FBXO42: variants seen among roughly 807,000 people sequenced by gnomAD.
FBXO42 encodes the protein F-box protein 42.
FBXO42 carries 12 observed loss-of-function variants against 71.7 expected under a neutral mutation model. That is an observed-to-expected ratio of 0.17 (90% CI 0.11 to 0.27). The LOEUF (loss-of-function observed/expected upper bound fraction) is 0.27. Among genes scored for constraint, FBXO42 ranks in the 10% least tolerant of loss-of-function variants. The pLI, the probability that FBXO42 is intolerant of heterozygous loss-of-function variation, is 1.00. For synonymous variants in FBXO42, 325 were observed against 327.5 expected, an observed-to-expected ratio of 0.99 and a Z score of 0.08; for missense variants, 707 against 911.9, an observed-to-expected ratio of 0.78 and a Z score of 2.89.
intron 1 of FBXO42, among the ~76,000 whole-genome samples, chr1:16,345,741 G>A (rs926042691): frequency 1.3e-5 from 2 of 151,858 alleles, no homozygotes; most frequent in South Asian, 2.1e-4. Flanking sequence ...CCAGCTACTC[G>A]GGAGGCTGAG....
intron 1 of FBXO42, among the ~76,000 whole-genome samples, chr1:16,336,236 CCTAAT>C (rs1237345968): frequency 6.6e-6 from 1 of 151,974 alleles, no homozygotes; most frequent in Non-Finnish European, 1.5e-5. Flanking sequence ...CCGCGTCTGG[CCTAAT>C]CTTACTTTTT....
At chr1:16,324,528 T>C (rs2082434778) in intron 1 of FBXO42, among the ~76,000 whole-genome samples, 1 of 152,126 alleles carries the variant, frequency 6.6e-6, no homozygotes, top group Non-Finnish European at 1.5e-5. Context: ...CTCTAAAGAC[T>C]AGGTAGAAGC....
intron 1 of FBXO42, among the ~76,000 whole-genome samples, chr1:16,329,880 C>T (rs532207829): frequency 1.3e-5 from 2 of 151,532 alleles, no homozygotes; most frequent in African/African-American, 4.8e-5. Context: ...ACCAAGGAGG[C>T]AGAGGTTGGA....
chr1:16,311,145 T>C (rs1465538795), intron 2 of FBXO42, among the ~76,000 whole-genome samples: 3 of 139,046 alleles, frequency 2.2e-5, no homozygotes, highest in Non-Finnish European at 4.6e-5. Flanking sequence ...GCCCCTGCAC[T>C]CCAGCCTGGG....
chr1:16,283,495 T>TTTTTTTTTTTG (rs2081987668), intron 4 of FBXO42, among the ~76,000 whole-genome samples: 3 of 68,736 alleles, frequency 4.4e-5, no homozygotes, highest in South Asian at 3.8e-4. Context: ...CTGTGGCAAG[T>TTTTTTTTTTTG]TTTTTTTTTT....
chr1:16,275,817 T>C (rs1012428061), intron 4 of FBXO42, among the ~76,000 whole-genome samples: 7 of 151,956 alleles, frequency 4.6e-5, no homozygotes, highest in African/African-American at 1.7e-4. Flanking sequence ...GAGACCAGCC[T>C]GGCCAACATG....
chr1:16,283,502 T>TTTG (rs1553151413), intron 4 of FBXO42, among the ~76,000 whole-genome samples: 3 of 137,204 alleles, frequency 2.2e-5, no homozygotes, highest in African/African-American at 5.5e-5. Context: ...AAGTTTTTTT[T>TTTG]TTTTTTTTTT....
At chr1:16,329,270 T>G (rs1036003652) in intron 1 of FBXO42, among the ~76,000 whole-genome samples, 1 of 146,562 alleles carries the variant, frequency 6.8e-6, no homozygotes, top group African/African-American at 2.5e-5. Flanking sequence ...GGCCATAAAA[T>G]AAATTGGTAT....
Position 16,253,082 on chromosome 1 carries a change from G to T in FBXO42, c.921+14C>A. The T allele has an allele frequency of 1.9e-6, 3 of 1,612,244 alleles. No individual in the cohort carries two copies. Among genetic ancestry groups the T allele is most frequent in the Non-Finnish European group, 2.5e-6 (3 of 1,179,106 alleles). On this transcript the variant is annotated intron_variant, in intron 8 of 9. Transcript: ENST00000375592. ...GTAGCATGCACATGGGAATGCCACA[G>T]AAGCAATACTCACAGCATTGGGACC...
intron 4 of FBXO42, among the ~76,000 whole-genome samples, chr1:16,263,233 C>T (rs1281008153): frequency 3.3e-5 from 5 of 151,120 alleles, no homozygotes; most frequent in Non-Finnish European, 5.9e-5. Flanking sequence ...GAGGCTGAGG[C>T]GGGCGGATCA....
rs1230570849 is a variant in FBXO42, at chr1:16,341,012, G to A, written c.-18+11243C>T. ...ACTAATGTCCATCAAAAACAGACCAGTTGAACAAACTCTGGTGCATCCTCA... is the reference window on the plus strand; with the variant it reads ...ACTAATGTCCATCAAAAACAGACCAATTGAACAAACTCTGGTGCATCCTCA... On this transcript the variant is annotated intron_variant, in intron 1 of 9. Coordinates refer to ENST00000375592, the MANE Select transcript of FBXO42 (RefSeq NM_018994.3). Among the ~76,000 whole-genome samples, 4 of 152,024 alleles carry A rather than the reference G, an allele frequency of 2.6e-5. No individual in the cohort carries two copies. The East Asian group carries it at 5.8e-4, about 22-fold the overall frequency.
intron 4 of FBXO42, among the ~76,000 whole-genome samples, chr1:16,257,977 C>T (rs61769798): frequency 2.6e-5 from 4 of 151,960 alleles, no homozygotes; most frequent in Non-Finnish European, 5.9e-5. Context: ...CACCATGCCT[C>T]GCTGAGAATA....
chr1:16,297,588 G>A (rs896223311), intron 3 of FBXO42, among the ~76,000 whole-genome samples: 2 of 152,092 alleles, frequency 1.3e-5, no homozygotes, highest in African/African-American at 2.4e-5. Flanking sequence ...CAGGCCGGGC[G>A]TGGTGGCTCA....
intron 4 of FBXO42, among the ~76,000 whole-genome samples, chr1:16,289,763 T>A (rs1006728173): frequency 3.3e-5 from 5 of 152,086 alleles, no homozygotes; most frequent in African/African-American, 1.2e-4. Flanking sequence ...TGAGACCCCA[T>A]CTCTACAAAA....
chr1:16,316,741 A>AAAAAAAAAAAAAAAAAAAAAAAAAAT (rs2082370763), intron 1 of FBXO42, among the ~76,000 whole-genome samples: 1 of 151,340 alleles, frequency 6.6e-6, no homozygotes, highest in Non-Finnish European at 1.5e-5. Flanking sequence ...AAAAAAAAAA[A>AAAAAAAAAAAAAAAAAAAAAAAAAAT]AAAAAAAAAA....
At chr1:16,310,722 C>T (rs112752465) in intron 2 of FBXO42, among the ~76,000 whole-genome samples, 3,588 of 152,158 alleles carry the variant, frequency 0.024, 141 homozygotes, top group African/African-American at 0.081. Flanking sequence ...GGGCCAGGCG[C>T]GGTGGCTCAC....
At chr1:16,257,692 TC>T (rs978677701) in intron 4 of FBXO42, among the ~76,000 whole-genome samples, 10 of 152,206 alleles carry the variant, frequency 6.6e-5, no homozygotes, top group African/African-American at 2.2e-4. Flanking sequence ...ACTTTTTTTT[TC>T]CTTTGGAGGT....
intron 1 of FBXO42, among the ~76,000 whole-genome samples, chr1:16,349,723 A>C (rs775250433): frequency 2.0e-5 from 3 of 152,172 alleles, no homozygotes; most frequent in Non-Finnish European, 1.5e-5. Flanking sequence ...TTAGCTGGGC[A>C]TGATGGCAGG....
At chr1:16,340,926 ACTT>A (rs749765783) in intron 1 of FBXO42, among the ~76,000 whole-genome samples, 1 of 152,164 alleles carries the variant, frequency 6.6e-6, no homozygotes, top group African/African-American at 2.4e-5. Context: ...TCAGCCCAGC[ACTT>A]CTTCTATTGT....
Sources: gnomAD v4.1 joint callset for allele counts (sites outside exome capture counted in the v4.1 genomes callset) on GRCh38, gnomAD v4.1.1 for gene constraint, MANE v1.5 for transcripts, NCBI Gene and HGNC (gene_info 2026-07-23, HGNC 2026-07-21) for gene names.